TG: variants seen among roughly 807,000 people sequenced by gnomAD.
TG encodes the protein thyroglobulin.
In TG, 270 loss-of-function variants were observed where a neutral mutation model predicts 324.7. That is an observed-to-expected ratio of 0.83 (90% CI 0.75 to 0.92). TG has a LOEUF of 0.92. Ranked by LOEUF, TG falls within the 40% of genes least tolerant of loss-of-function variation. TG has a pLI of 0.00. For synonymous variants in TG, 1,401 were observed against 1,327.0 expected (o/e 1.06, Z -1.21); for missense variants, 3,591 against 3,456.4 (o/e 1.04, Z -0.98).
At chr8:132,975,855 T>A (rs1368172989) in intron 34 of TG, among the ~76,000 whole-genome samples, 1 of 152,184 alleles carries the variant, frequency 6.6e-6, no homozygotes, top group Non-Finnish European at 1.5e-5. Context: ...AAGCCATGAT[T>A]TCTGTTTTGC....
chr8:133,008,862 C>T (rs1834249541), intron 35 of TG, among the ~76,000 whole-genome samples: 1 of 152,228 alleles, frequency 6.6e-6, no homozygotes, highest in African/African-American at 2.4e-5. Flanking sequence ...TAAACTCTCA[C>T]AAAATGCTGC....
At chr8:133,038,757 G>A in intron 41 of TG, 7 of 1,577,754 alleles carry the variant, frequency 4.4e-6, no homozygotes, top group South Asian at 1.1e-5. Flanking sequence ...AGAAGAAAAG[G>A]CAGTAGAGAA....
intron 18 of TG, among the ~76,000 whole-genome samples, 193 bp from the exon 19 acceptor site, chr8:132,911,184 G>C (rs1160069703): frequency 6.6e-6 from 1 of 152,170 alleles, no homozygotes; most frequent in Non-Finnish European, 1.5e-5. Context: ...GACCAGGGCA[G>C]GTTATTTAAC....
chr8:132,969,037 A>G (rs1437766729), intron 31 of TG, among the ~76,000 whole-genome samples: 2 of 152,094 alleles, frequency 1.3e-5, no homozygotes. Flanking sequence ...GAGAGCATCT[A>G]GAGGCCAAAT....
At chr8:132,936,748 C>T (rs1036363084) in intron 25 of TG, among the ~76,000 whole-genome samples, 2 of 152,188 alleles carry the variant, frequency 1.3e-5, no homozygotes, top group African/African-American at 2.4e-5. Flanking sequence ...GCCTCCTCTC[C>T]GGTGGGGTGG....
Position 132,886,358 on chromosome 8 carries a change from G to A in TG, c.1076-90G>A, listed in dbSNP as rs570113128. 26 of 1,552,168 alleles carry A rather than the reference G, an allele frequency of 1.7e-5. No individual in the cohort carries two copies. The African/African-American group carries it at 3.0e-4, about 18-fold the overall frequency. ...TAGGTGTCCTTGATTGAATGTTCTGGCTTCTTACTACCTAAAGGATCTGAG... is the reference window on the plus strand; with the variant it reads ...TAGGTGTCCTTGATTGAATGTTCTGACTTCTTACTACCTAAAGGATCTGAG... On this transcript the variant is annotated intron_variant, in intron 8 of 47. Transcript: ENST00000220616.
At chr8:132,875,016 A>G (rs997195102) in intron 5 of TG, among the ~76,000 whole-genome samples, 2 of 152,158 alleles carry the variant, frequency 1.3e-5, no homozygotes, top group Non-Finnish European at 2.9e-5. Context: ...GCCCCTGCTT[A>G]GCACAGCGAC....
At chr8:132,962,103 T>G (rs1827846627) in intron 28 of TG, among the ~76,000 whole-genome samples, 2 of 149,328 alleles carry the variant, frequency 1.3e-5, no homozygotes, top group African/African-American at 2.5e-5. Context: ...TTGGTGGGGG[T>G]GGTGGTGATG....
intron 38 of TG, 49 bp downstream of exon 38, chr8:133,018,046 T>G: frequency 7.7e-6 from 12 of 1,564,722 alleles, no homozygotes; most frequent in South Asian, 1.1e-5. Context: ...AGAAATCTCC[T>G]CCATTCTAAT....
intron 27 of TG, among the ~76,000 whole-genome samples, chr8:132,952,087 T>C (rs1826188972): frequency 6.6e-6 from 1 of 152,232 alleles, no homozygotes; most frequent in Non-Finnish European, 1.5e-5. Context: ...AGACAGACTC[T>C]GGAATCAGGC....
chr8:132,909,388 C>T (rs1266325248), intron 18 of TG, among the ~76,000 whole-genome samples: 1 of 152,172 alleles, frequency 6.6e-6, no homozygotes, highest in Non-Finnish European at 1.5e-5. Context: ...GTGTTTCAAA[C>T]ATGGGGAAAT....
intron 35 of TG, among the ~76,000 whole-genome samples, chr8:132,990,873 C>T (rs934207824): frequency 2.6e-5 from 4 of 151,710 alleles, no homozygotes; most frequent in African/African-American, 2.4e-5. Context: ...GCTCCAGTTT[C>T]CCGGGAATCA....
At chr8:133,038,356 T>C in intron 41 of TG, 1 of 620,660 alleles carries the variant, frequency 1.6e-6, no homozygotes, top group Non-Finnish European at 2.9e-6. Context: ...GTTCCTTTGG[T>C]CATGATGTGG....
chr8:132,968,571 T>C (rs1227844390), intron 31 of TG, among the ~76,000 whole-genome samples: 1 of 152,234 alleles, frequency 6.6e-6, no homozygotes, highest in Non-Finnish European at 1.5e-5. Context: ...ATCTTCTCTG[T>C]TGGATGTCTT....
intron 27 of TG, among the ~76,000 whole-genome samples, chr8:132,953,780 C>A (rs1473706563): frequency 6.6e-6 from 1 of 152,212 alleles, no homozygotes; most frequent in East Asian, 1.9e-4. Flanking sequence ...AGAGAGAAAT[C>A]CACTCAGGAT....
chr8:133,013,822 C>T, intron 37 of TG, 58 bp downstream of exon 37: 1 of 1,569,396 alleles, frequency 6.4e-7, no homozygotes, highest in Non-Finnish European at 8.6e-7. Context: ...GGGGAAGGGA[C>T]TATTTAAACA....
At chr8:132,918,193 C>T (rs531663576) in intron 20 of TG, among the ~76,000 whole-genome samples, 2 of 152,254 alleles carry the variant, frequency 1.3e-5, no homozygotes, top group African/African-American at 4.8e-5. Context: ...TGAGCACAGA[C>T]AAGAGTCTGG....
At position 132,877,328 on chromosome 8, in the gene TG, C is replaced by T. The variant is rs531709495; in HGVS notation, c.638+4107C>T. On this transcript the variant is annotated intron_variant, in intron 5 of 47. Transcript: ENST00000220616. The stretch of plus-strand genomic sequence containing the variant: ...CTAATTTTTGTGTTTTTACTGGAGA[C>T]GGGGTTCACTATGTTGGTCAGGCTG... 4.6e-5 allele frequency among the ~76,000 whole-genome samples: 7 copies of T among 152,104 alleles called. No homozygotes were observed. The East Asian group carries it at 9.7e-4, about 21-fold the overall frequency.
chr8:133,067,715 G>T (rs2131388463), intron 41 of TG, among the ~76,000 whole-genome samples: 1 of 152,152 alleles, frequency 6.6e-6, no homozygotes, highest in South Asian at 2.1e-4. Context: ...GGCAGAGGCT[G>T]CAGTAAGCTG....
Sources: allele counts gnomAD v4.1 joint callset (sites outside exome capture counted in the v4.1 genomes callset), GRCh38; gene constraint gnomAD v4.1.1; transcripts MANE v1.5; gene names NCBI Gene and HGNC (gene_info 2026-07-23, HGNC 2026-07-21).